The following NOL8 variants were observed in gnomAD, a reference collection of about 807,000 sequenced individuals.
NOL8 encodes nucleolar protein Nop132.
A neutral mutation model predicts 116.1 loss-of-function variants in NOL8; 93 were observed. The observed-to-expected ratio is 0.80, with a 90% CI of 0.68 to 0.95. The LOEUF is 0.95. NOL8 is among the 40% of genes least tolerant of loss of function. NOL8 has a pLI of 0.00. For synonymous variants in NOL8, 419 were observed against 469.0 expected (o/e 0.89, Z 1.38); for missense variants, 1,291 against 1,382.8 (o/e 0.93, Z 1.05).
intron 12 of NOL8, among the ~76,000 whole-genome samples, chr9:92,305,010 A>C (rs1838100487): frequency 1.3e-5 from 2 of 151,918 alleles, no homozygotes; most frequent in South Asian, 4.1e-4. Flanking sequence ...CATCTATAGG[A>C]AACAGAAGCT....
rs577082197 is a variant in NOL8, at chr9:92,304,017, A to G, written c.2903+1736T>C. The stretch of plus-strand genomic sequence containing the variant: ...AACTTATGAAGATTTTAAGAGAATT[A>G]TATTATCAGAAATACCACTAGACTG... On this transcript the variant is annotated intron_variant, in intron 12 of 16. Transcript: ENST00000442668. Among the ~76,000 whole-genome samples the G allele has an allele frequency of 1.5e-4, 23 of 152,350 alleles. No homozygotes were observed. In the South Asian group the frequency reaches 4.8e-3, roughly 32 times the overall value.
At chr9:92,304,229 C>A (rs970620399) in intron 12 of NOL8, among the ~76,000 whole-genome samples, 2 of 152,206 alleles carry the variant, frequency 1.3e-5, no homozygotes, top group Non-Finnish European at 2.9e-5. Flanking sequence ...CAGTCCTAAT[C>A]AAAGACCTTC....
rs972695990 is a variant in NOL8 at position 92,300,390 on chromosome 9, C to T, written c.3176-374G>A. 10 of 989,072 alleles carry T rather than the reference C, an allele frequency of 1.0e-5. No homozygotes were observed. In the African/African-American group the frequency reaches 1.6e-4, roughly 16 times the overall value. 61.3% of individuals were successfully genotyped at this position (989,072 alleles called of 1,614,324 possible). On this transcript the variant is annotated intron_variant, in intron 13 of 16. Coordinates refer to ENST00000442668, the MANE Select transcript of NOL8 (RefSeq NM_017948.6). ...AATAGGATACAGGGAAATCAGGTTT[C>T]CCTCTTGTCTATTTATAAATGAGAA...
At chr9:92,306,827 C>G (rs1474214974) in intron 11 of NOL8, 59 bp downstream of exon 11, 2 of 1,538,958 alleles carry the variant, frequency 1.3e-6, no homozygotes, top group Non-Finnish European at 1.8e-6. Context: ...AAATTGAGTT[C>G]AAGAAGACAT....
intron 10 of NOL8, among the ~76,000 whole-genome samples, chr9:92,307,453 A>G (rs1838378295): frequency 6.6e-6 from 1 of 152,196 alleles, no homozygotes; most frequent in Non-Finnish European, 1.5e-5. Context: ...ACAATATAAG[A>G]TATTAGTGGA....
intron 11 of NOL8, 118 bp from the exon 12 acceptor site, chr9:92,305,948 CAT>C (rs1838214390): frequency 4.5e-6 from 3 of 661,408 alleles, no homozygotes; most frequent in Non-Finnish European, 8.1e-6. Flanking sequence ...AAGAAGAAGC[CAT>C]ATAACATCAG....
At chr9:92,317,709 TACTG>T (rs922854646) in intron 6 of NOL8, among the ~76,000 whole-genome samples, 5 of 152,096 alleles carry the variant, frequency 3.3e-5, no homozygotes, top group African/African-American at 1.2e-4. Flanking sequence ...CTGTTCCCCT[TACTG>T]ACTGACACCA....
In NOL8 at chr9:92,297,469, G is replaced by A. The variant is rs1837336320; in HGVS notation, c.*367C>T. The A allele has an allele frequency of 5.6e-6, 1 of 177,552 alleles. No homozygotes were observed. Among genetic ancestry groups the A allele is most frequent in the African/African-American group, 2.4e-5 (1 of 42,430 alleles). 11.0% of individuals were successfully genotyped at this position (177,552 alleles called of 1,614,324 possible). On this transcript the variant is annotated 3_prime_UTR_variant, in exon 17 of 17. Transcript: ENST00000442668. ...TCAAATAGCCTATAATTCACACAAA[G>A]CCTAGGCTGGAAAATACAAGTGCTT...
At chr9:92,298,734 T>C (rs1837462278) in intron 15 of NOL8, 150 bp downstream of exon 15, 1 of 505,894 alleles carries the variant, frequency 2.0e-6, no homozygotes, top group Non-Finnish European at 3.5e-6. Flanking sequence ...TCTCAGACCT[T>C]GACAGCTTTA....
intron 4 of NOL8, 117 bp downstream of exon 4, chr9:92,321,551 A>AT (rs373091877): frequency 0.042 from 25,252 of 594,320 alleles, 669 homozygotes; most frequent in South Asian, 0.07. Context: ...AGCTCTACTT[A>AT]TATGTTTGAA....
chr9:92,319,630 C>T (rs776958880), intron 4 of NOL8, among the ~76,000 whole-genome samples: 14 of 152,116 alleles, frequency 9.2e-5, no homozygotes, highest in Non-Finnish European at 2.1e-4. Context: ...TACTTAACTT[C>T]ATCTTTGTTC....
At position 92,314,493 on chromosome 9, in the gene NOL8, C is replaced by T. The variant is rs201776928; in HGVS notation, c.2132G>A (p.Arg711Gln). 55 of 1,613,278 alleles carry T rather than the reference C, an allele frequency of 3.4e-5. No individual in the cohort carries two copies. The highest frequency in any genetic ancestry group is 1.9e-4 in the African/African-American group (14 of 74,898). Residue 711 changes from arginine (R) to glutamine (Q), a missense_variant, in exon 7 of 17, where the codon CGG (arginine) becomes CAG (glutamine). Arg to Gln is a conservative substitution (Grantham distance 43). Transcript: ENST00000442668. ...TTKTEASQEERSDSSGLTSLK... is the reference protein window; with the variant it reads ...TTKTEASQEEQSDSSGLTSLK... Reference sequence around the variant, plus strand: ...AGATGTGAGGCCGCTTGAATCAGACCGCTCTTCCTGTGAAGCTTCTGTCTT... The same window carrying T: ...AGATGTGAGGCCGCTTGAATCAGACTGCTCTTCCTGTGAAGCTTCTGTCTT...
At position 92,314,812 on chromosome 9, in the gene NOL8, G is replaced by C; in HGVS notation, c.1813C>G (p.His605Asp). The change falls in exon 7 of 17, where the codon CAT becomes GAT. Residue 605 changes from histidine (H) to aspartate (D), a missense_variant. By Grantham distance (81) the His-to-Asp change is moderately conservative (BLOSUM62 -1). Transcript: ENST00000442668. ...SNNKDQNSMKHEDPSIISMED... is the reference protein window; with the variant it reads ...SNNKDQNSMKDEDPSIISMED... ...ATGGATATGATACTGGGATCCTCATGTTTCATGGAATTCTGATCTTTATTG... is the reference window on the plus strand; with the variant it reads ...ATGGATATGATACTGGGATCCTCATCTTTCATGGAATTCTGATCTTTATTG... 1 of 1,613,394 alleles carries C rather than the reference G, an allele frequency of 6.2e-7. No homozygotes were observed. The highest frequency in any genetic ancestry group is 8.5e-7 in the Non-Finnish European group (1 of 1,179,684).
Position 92,310,683 on chromosome 9 carries a change from GA to G in NOL8, c.2473-9del, listed in dbSNP as rs778812804. ...TGTTTTACCCATAGACTCCTGTGAA[GA>G]AACACAACATTTATTAATAGCAGAG... On this transcript the variant is annotated splice_polypyrimidine_tract_variant and intron_variant, in intron 8 of 16. Transcript: ENST00000442668. The G allele has an allele frequency of 1.0e-5, 16 of 1,594,080 alleles. No homozygotes were observed. The African/African-American group carries it at 2.2e-4, about 22-fold the overall frequency.
intron 7 of NOL8, among the ~76,000 whole-genome samples, chr9:92,313,921 T>C (rs1428419164): frequency 6.6e-6 from 1 of 152,218 alleles, no homozygotes; most frequent in Admixed American, 6.5e-5. Context: ...AATCTGGCAC[T>C]TACTATAAAG....
chr9:92,299,193 T>C (rs1837506082), intron 14 of NOL8, among the ~76,000 whole-genome samples: 1 of 152,202 alleles, frequency 6.6e-6, no homozygotes. Flanking sequence ...GAAGCTTTGA[T>C]AATGAAGACT....
intron 5 of NOL8, 144 bp from the exon 6 acceptor site, chr9:92,318,830 C>A: frequency 3.5e-6 from 2 of 567,562 alleles, no homozygotes; most frequent in Non-Finnish European, 5.9e-6. Context: ...TAAGAGTTAC[C>A]AAAGAGAAAA....
intron 12 of NOL8, among the ~76,000 whole-genome samples, chr9:92,305,247 A>T (rs569621912): frequency 6.6e-6 from 1 of 152,290 alleles, no homozygotes; most frequent in South Asian, 2.1e-4. Flanking sequence ...AGAAGAGGCC[A>T]TGTGAAGATA....
At chr9:92,309,020 C>G (rs891222826) in intron 10 of NOL8, 4 of 152,242 alleles carry the variant, frequency 2.6e-5, no homozygotes, top group African/African-American at 7.2e-5. Flanking sequence ...GTGATGGAGG[C>G]TGGCTGTGCT....
Sources: allele counts gnomAD v4.1 joint callset (sites outside exome capture counted in the v4.1 genomes callset), GRCh38; gene constraint gnomAD v4.1.1; transcripts MANE v1.5; gene names NCBI Gene and HGNC (gene_info 2026-07-23, HGNC 2026-07-21).